Variants in IMMP2L observed in about 807,000 individuals in gnomAD.
IMMP2L encodes the protein mitochondrial inner membrane protease subunit 2.
In IMMP2L, 18 loss-of-function variants were observed where a neutral mutation model predicts 19.3. That is an observed-to-expected ratio of 0.93 (90% CI 0.64 to 1.38). IMMP2L has a LOEUF of 1.38. Ranked by LOEUF, IMMP2L falls within the 40% of genes most tolerant of loss-of-function variation. IMMP2L has a pLI of 0.00. For synonymous variants in IMMP2L, 76 were observed against 73.0 expected, an observed-to-expected ratio of 1.04 and a Z score of -0.21; for missense variants, 233 against 218.2, an observed-to-expected ratio of 1.07 and a Z score of -0.43.
chr7:111,376,681 T>C (rs1830704196), intron 3 of IMMP2L, among the ~76,000 whole-genome samples: 2 of 152,070 alleles, frequency 1.3e-5, no homozygotes, highest in South Asian at 4.1e-4. Context: ...ACACATAAAA[T>C]GGGGTCTATC....
intron 5 of IMMP2L, among the ~76,000 whole-genome samples, chr7:110,698,495 C>T (rs1290532543): frequency 6.6e-6 from 1 of 152,158 alleles, no homozygotes; most frequent in African/African-American, 2.4e-5. Flanking sequence ...ATGAATGGAG[C>T]GATGAGAGAA....
intron 3 of IMMP2L, among the ~76,000 whole-genome samples, chr7:111,047,018 T>A (rs569832849): frequency 6.6e-6 from 1 of 152,296 alleles, no homozygotes; most frequent in South Asian, 2.1e-4. Context: ...TCTCCTTTGC[T>A]ACTTTCATAT....
chr7:110,716,468 GAA>G (rs1795243346), intron 5 of IMMP2L, among the ~76,000 whole-genome samples: 3 of 152,174 alleles, frequency 2.0e-5, no homozygotes, highest in Admixed American at 2.0e-4. Flanking sequence ...AGAACCTGCT[GAA>G]GGGTCTCTTG....
chr7:110,770,775 G>A (rs1325709517), intron 5 of IMMP2L, among the ~76,000 whole-genome samples: 2 of 152,162 alleles, frequency 1.3e-5, no homozygotes, highest in East Asian at 1.9e-4. Context: ...GTCATTAGGC[G>A]GATATAGCGC....
intron 5 of IMMP2L, among the ~76,000 whole-genome samples, chr7:110,705,750 C>A (rs1306021271): frequency 6.6e-6 from 1 of 151,884 alleles, no homozygotes; most frequent in East Asian, 1.9e-4. Context: ...CCCTTTCCCC[C>A]TTCTATTAGT....
intron 5 of IMMP2L, among the ~76,000 whole-genome samples, chr7:110,696,421 T>TTC (rs199578703): frequency 0.035 from 4,172 of 118,368 alleles, 70 homozygotes; most frequent in Middle Eastern, 0.098. Context: ...ACATTCCTTT[T>TTC]TCTCTTTTTT....
At chr7:110,886,753 G>A (rs1444907550) in intron 4 of IMMP2L, 58 bp from the exon 5 acceptor site, 3 of 793,724 alleles carry the variant, frequency 3.8e-6, no homozygotes, top group African/African-American at 3.5e-5. Context: ...AAACTGCTGG[G>A]CATACAAACT....
intron 3 of IMMP2L, among the ~76,000 whole-genome samples, chr7:111,352,419 G>C (rs906764361): frequency 6.8e-6 from 1 of 148,066 alleles, no homozygotes; most frequent in Non-Finnish European, 1.5e-5. Flanking sequence ...GTGTTGACCA[G>C]GCTGATCTAA....
At chr7:111,411,116 G>C (rs912507895) in intron 3 of IMMP2L, among the ~76,000 whole-genome samples, 1 of 130,754 alleles carries the variant, frequency 7.6e-6, no homozygotes, top group Non-Finnish European at 1.6e-5. Context: ...AAGTAACAAA[G>C]AAAAAAATCT....
chr7:111,180,608 T>G (rs541028669), intron 3 of IMMP2L, among the ~76,000 whole-genome samples: 19 of 152,044 alleles, frequency 1.2e-4, no homozygotes, highest in Non-Finnish European at 2.8e-4. Flanking sequence ...CACATGCTGT[T>G]GGAAAACTGG....
chr7:111,419,201 TA>T (rs1206085064), intron 3 of IMMP2L, among the ~76,000 whole-genome samples: 1 of 151,782 alleles, frequency 6.6e-6, no homozygotes, highest in African/African-American at 2.4e-5. Flanking sequence ...CAGACAAGAC[TA>T]AAAAATTTTG....
At chr7:110,864,393 T>C (rs1041070822) in intron 5 of IMMP2L, among the ~76,000 whole-genome samples, 2 of 152,048 alleles carry the variant, frequency 1.3e-5, no homozygotes, top group Admixed American at 1.3e-4. Context: ...CACACAAGCA[T>C]GAAAAGAATA....
chr7:111,322,180 A>ATAG, intron 3 of IMMP2L, among the ~76,000 whole-genome samples: 1 of 152,086 alleles, frequency 6.6e-6, no homozygotes, highest in East Asian at 1.9e-4. Context: ...AGTCTTGAAC[A>ATAG]TAGCCACTAT....
At chr7:111,466,473 C>T (rs1357572344) in intron 3 of IMMP2L, among the ~76,000 whole-genome samples, 2 of 152,084 alleles carry the variant, frequency 1.3e-5, no homozygotes, top group Non-Finnish European at 2.9e-5. Flanking sequence ...TAAACACACA[C>T]AAAACTTATT....
chr7:111,239,596 A>G (rs1446081698), intron 3 of IMMP2L, among the ~76,000 whole-genome samples: 2 of 151,972 alleles, frequency 1.3e-5, no homozygotes, highest in African/African-American at 4.8e-5. Flanking sequence ...ATGATGCAGA[A>G]TATCAACCTG....
chr7:111,420,003 G>A (rs76021904), intron 3 of IMMP2L, among the ~76,000 whole-genome samples: 2 of 151,922 alleles, frequency 1.3e-5, no homozygotes, highest in East Asian at 3.9e-4. Context: ...AATGGATAGT[G>A]AGGATGGCTG....
intron 5 of IMMP2L, among the ~76,000 whole-genome samples, chr7:110,843,490 T>C (rs1379435115): frequency 6.6e-6 from 1 of 152,046 alleles, no homozygotes; most frequent in Admixed American, 6.6e-5. Context: ...GAGAAAAATA[T>C]CCAAAGGTAT....
chr7:111,080,213 T>C (rs866239054), intron 3 of IMMP2L, among the ~76,000 whole-genome samples: 1 of 152,190 alleles, frequency 6.6e-6, no homozygotes, highest in African/African-American at 2.4e-5. Flanking sequence ...GCAGATCTTA[T>C]TGCTGCAGGC....
intron 5 of IMMP2L, among the ~76,000 whole-genome samples, chr7:110,795,924 A>T (rs1393300286): frequency 6.6e-6 from 1 of 152,060 alleles, no homozygotes; most frequent in Non-Finnish European, 1.5e-5. Context: ...GTCCCCACCC[A>T]AATCTGATCT....
Sources: gnomAD v4.1 joint callset for allele counts (sites outside exome capture counted in the v4.1 genomes callset) on GRCh38, gnomAD v4.1.1 for gene constraint, MANE v1.5 for transcripts, NCBI Gene and HGNC (gene_info 2026-07-23, HGNC 2026-07-21) for gene names.